Variants in ARHGAP24 observed in about 807,000 individuals in gnomAD.
ARHGAP24 encodes rho GTPase-activating protein 24.
Under a neutral mutation model 76.4 loss-of-function variants are expected in ARHGAP24, and 50 were observed. That is an observed-to-expected ratio of 0.65 (90% CI 0.52 to 0.83). ARHGAP24 has a LOEUF of 0.83. Among genes scored for constraint, ARHGAP24 ranks in the 40% least tolerant of loss-of-function variants. The pLI, the probability that ARHGAP24 is intolerant of heterozygous loss-of-function variation, is 0.00. For missense variants in ARHGAP24, 930 were observed against 914.2 expected (o/e 1.02, Z -0.22); for synonymous variants, 345 against 323.3 (o/e 1.07, Z -0.72).
At chr4:85,479,179 C>T (rs2110086199) in intron 1 of ARHGAP24, among the ~76,000 whole-genome samples, 1 of 152,248 alleles carries the variant, frequency 6.6e-6, no homozygotes, top group South Asian at 2.1e-4. Flanking sequence ...AACAATGCTA[C>T]AAAACATAAT....
intron 4 of ARHGAP24, among the ~76,000 whole-genome samples, chr4:85,939,187 T>C (rs1736816796): frequency 6.6e-6 from 1 of 152,216 alleles, no homozygotes; most frequent in South Asian, 2.1e-4. Flanking sequence ...GTAAACTGCC[T>C]GTAACATGCC....
chr4:85,643,167 C>T (rs911944041), intron 2 of ARHGAP24, among the ~76,000 whole-genome samples: 1 of 151,488 alleles, frequency 6.6e-6, no homozygotes. Flanking sequence ...GCAAACTGGA[C>T]TCTCCTCCAT....
rs144946247 is a variant in ARHGAP24, at chr4:85,558,608, A to G, written c.-20-11914A>G. On this transcript the variant is annotated intron_variant, in intron 1 of 9. Transcript: ENST00000395184. ...TAAAAAAAAAAAAGTTGTGTTGTCC[A>G]TACCTCCATATAAGAAACCACTGGG... Among the ~76,000 whole-genome samples the G allele has an allele frequency of 2.1e-3, 321 of 152,250 alleles. 2 individuals are homozygous for G. Among genetic ancestry groups the G allele is most frequent in the African/African-American group, 7.3e-3 (305 of 41,540 alleles).
chr4:85,626,904 C>T (rs191327018), intron 2 of ARHGAP24, among the ~76,000 whole-genome samples: 11 of 152,272 alleles, frequency 7.2e-5, no homozygotes, highest in Admixed American at 2.6e-4. Flanking sequence ...ATGTAGCTCT[C>T]GTGCCTTGGT....
intron 1 of ARHGAP24, among the ~76,000 whole-genome samples, chr4:85,494,513 C>T (rs546429813): frequency 7.9e-5 from 12 of 151,848 alleles, no homozygotes; most frequent in Middle Eastern, 3.4e-3. Flanking sequence ...GGTGAAACCA[C>T]GTCTCTACTA....
At chr4:85,750,559 A>T (rs574582147) in intron 3 of ARHGAP24, among the ~76,000 whole-genome samples, 14 of 133,668 alleles carry the variant, frequency 1.0e-4, no homozygotes, top group African/African-American at 3.8e-4. Context: ...GCAATGGCAC[A>T]ATCTCAGCTC....
intron 5 of ARHGAP24, among the ~76,000 whole-genome samples, chr4:85,949,567 T>G (rs1331137653): frequency 1.3e-5 from 2 of 152,174 alleles, no homozygotes; most frequent in Non-Finnish European, 2.9e-5. Flanking sequence ...TCAGGGCTCC[T>G]CCCTATAGCT....
rs1399861257 is a variant in ARHGAP24 at position 86,001,182 on chromosome 4, A to AAT, written c.*470_*471dup. 43 of 395,176 alleles carry AAT rather than the reference A, an allele frequency of 1.1e-4. No homozygotes were observed. The highest frequency in any genetic ancestry group is 6.3e-4 in the Middle Eastern group (1 of 1,586). 24.5% of individuals were successfully genotyped at this position (395,176 alleles called of 1,614,324 possible). A position where few individuals can be genotyped will look rare whatever the true frequency, so the allele number is the denominator to read the frequency against. ...GGAAATGAAGATAAGCAAAAATATA[A>AAT]ATATATATATAAATATATGAGTTAT... On this transcript the variant is annotated 3_prime_UTR_variant, in exon 10 of 10. Transcript: ENST00000395184.
intron 3 of ARHGAP24, among the ~76,000 whole-genome samples, chr4:85,792,640 C>T (rs568678826): frequency 1.3e-5 from 2 of 152,226 alleles, no homozygotes; most frequent in East Asian, 1.9e-4. Flanking sequence ...TTTCTTACTT[C>T]AGGCAATTTC....
intron 2 of ARHGAP24, among the ~76,000 whole-genome samples, chr4:85,619,790 A>G (rs531274608): frequency 2.0e-5 from 3 of 151,902 alleles, no homozygotes; most frequent in Admixed American, 6.6e-5. Flanking sequence ...TGATTTTTGT[A>G]TGTTGATTTT....
intron 1 of ARHGAP24, among the ~76,000 whole-genome samples, chr4:85,523,371 A>G (rs187676684): frequency 2.6e-5 from 4 of 152,270 alleles, no homozygotes; most frequent in Admixed American, 1.3e-4. Context: ...GCAAACATCT[A>G]TGACTCAGAG....
chr4:85,782,883 ATGAC>A (rs61527716), intron 3 of ARHGAP24, among the ~76,000 whole-genome samples: 7,023 of 152,200 alleles, frequency 0.046, 188 homozygotes, highest in East Asian at 0.09. Context: ...TGTTTGTTGA[ATGAC>A]TATTACTTTC....
At chr4:85,713,387 A>T (rs1173720341) in intron 2 of ARHGAP24, among the ~76,000 whole-genome samples, 2 of 152,176 alleles carry the variant, frequency 1.3e-5, no homozygotes, top group East Asian at 3.8e-4. Flanking sequence ...ATTATTTTTT[A>T]AAAATATATT....
At chr4:85,548,018 T>A (rs1359203336) in intron 1 of ARHGAP24, among the ~76,000 whole-genome samples, 1 of 152,176 alleles carries the variant, frequency 6.6e-6, no homozygotes, top group Non-Finnish European at 1.5e-5. Context: ...ATTCATGTAT[T>A]CTTGTTTTAT....
intron 3 of ARHGAP24, among the ~76,000 whole-genome samples, chr4:85,771,390 G>T (rs1727124783): frequency 6.6e-6 from 1 of 152,192 alleles, no homozygotes; most frequent in African/African-American, 2.4e-5. Context: ...AAATGTCCCA[G>T]CAAAAGCAGA....
chr4:85,929,157 GA>G (rs1042202661), intron 4 of ARHGAP24, among the ~76,000 whole-genome samples: 92 of 152,334 alleles, frequency 6.0e-4, no homozygotes, highest in African/African-American at 2.1e-3. Context: ...TGAAGTGCTT[GA>G]AGGGCAGCAC....
chr4:85,822,908 T>A (rs1483237263), intron 3 of ARHGAP24, among the ~76,000 whole-genome samples: 1 of 152,168 alleles, frequency 6.6e-6, no homozygotes, highest in East Asian at 1.9e-4. Context: ...GACAGCAGCA[T>A]CTAGAATTTT....
At chr4:85,719,437 C>T (rs1177572680) in intron 2 of ARHGAP24, among the ~76,000 whole-genome samples, 1 of 152,154 alleles carries the variant, frequency 6.6e-6, no homozygotes, top group East Asian at 1.9e-4. Flanking sequence ...GAGCGCTATG[C>T]TTTATCAGTC....
chr4:85,715,591 T>C (rs1724703973), intron 2 of ARHGAP24, among the ~76,000 whole-genome samples: 1 of 152,022 alleles, frequency 6.6e-6, no homozygotes, highest in African/African-American at 2.4e-5. Flanking sequence ...AACCTGAACC[T>C]AGGCAGTTTG....
Sources: allele counts gnomAD v4.1 joint callset (sites outside exome capture counted in the v4.1 genomes callset), GRCh38; gene constraint gnomAD v4.1.1; transcripts MANE v1.5; gene names NCBI Gene and HGNC (gene_info 2026-07-23, HGNC 2026-07-21).